TERT: variants seen among roughly 807,000 people sequenced by gnomAD.
TERT encodes telomerase catalytic subunit.
TERT carries 42 observed loss-of-function variants against 104.0 expected under a neutral mutation model. The observed-to-expected ratio is 0.40, with a 90% CI of 0.32 to 0.52. The LOEUF (loss-of-function observed/expected upper bound fraction) is 0.52. Among genes scored for constraint, TERT ranks in the 20% least tolerant of loss-of-function variants. TERT has a pLI of 0.43. For synonymous variants in TERT, 781 were observed against 725.6 expected, an observed-to-expected ratio of 1.08 and a Z score of -1.23; for missense variants, 1,101 against 1,610.3, an observed-to-expected ratio of 0.68 and a Z score of 5.41.
At chr5:1,254,554 TCC>T in intron 14 of TERT, 49 bp from the exon 15 acceptor site, 1 of 1,572,334 alleles carries the variant, frequency 6.4e-7, no homozygotes, top group Non-Finnish European at 8.6e-7. Context: ...CCAGCTCCCC[TCC>T]CAGGAGACAC....
chr5:1,282,381 G>T, intron 3 of TERT, 48 bp downstream of exon 3: 1 of 1,591,234 alleles, frequency 6.3e-7, no homozygotes. Flanking sequence ...GGCCGGGCTG[G>T]TGTTCCAGGA....
At position 1,274,677 on chromosome 5, in the gene TERT, C is replaced by T. The variant is rs73731711; in HGVS notation, c.2287-2397G>A. Among the ~76,000 whole-genome samples the T allele has an allele frequency of 5.0e-3, 767 of 152,324 alleles. 5 individuals carry two copies. The highest frequency in any genetic ancestry group is 0.018 in the African/African-American group (736 of 41,568). Reference sequence around the variant, plus strand: ...CGGGGCTCAGGCGGGAACGCTGGCTCCCCACACCCCACCTAGCCTCCCGCT... The same window carrying T: ...CGGGGCTCAGGCGGGAACGCTGGCTTCCCACACCCCACCTAGCCTCCCGCT... On this transcript the variant is annotated intron_variant, in intron 6 of 15. Coordinates refer to ENST00000310581, the MANE Select transcript of TERT (RefSeq NM_198253.3). This position sits in a 1 kb window ranked among gnomAD's most constrained non-coding sequence, Gnocchi z 5.3.
rs1330994352 is a variant in TERT, at chr5:1,282,819, A to G, written c.1574-195T>C. ...CTCACCCTGGACCTGCACCATTCGG[A>G]CACGGGGACACCGCATATCCAGCTC... On this transcript the variant is annotated intron_variant, in intron 2 of 15. Coordinates refer to ENST00000310581, the MANE Select transcript of TERT (RefSeq NM_198253.3). 1.9e-5 allele frequency: 12 copies of G among 627,290 alleles called. No individual in the cohort carries two copies. The East Asian group carries it at 2.9e-4, about 15-fold the overall frequency. The allele number at this position is 627,290 out of a possible 1,614,324, so 38.9% of individuals were successfully genotyped here.
intron 14 of TERT, 54 bp from the exon 15 acceptor site, chr5:1,254,559 GGA>G: frequency 6.4e-7 from 1 of 1,563,340 alleles, no homozygotes; most frequent in Non-Finnish European, 8.7e-7. Flanking sequence ...TCCCCTCCCA[GGA>G]GACACCGGAA....
intron 4 of TERT, 101 bp downstream of exon 4, chr5:1,280,057 T>C: frequency 1.4e-6 from 2 of 1,460,250 alleles, no homozygotes. Context: ...CCTGGCTGTG[T>C]CCCGTGGCCC....
At chr5:1,289,505 GCGCCT>G in intron 2 of TERT, among the ~76,000 whole-genome samples, 11 of 33,556 alleles carry the variant, frequency 3.3e-4, no homozygotes, top group African/African-American at 1.3e-3. Context: ...CCCGGGGACG[GCGCCT>G]CACTCACCCT....
At chr5:1,271,971 C>T (rs1363757437) in intron 7 of TERT, among the ~76,000 whole-genome samples, 6 of 152,386 alleles carry the variant, frequency 3.9e-5, no homozygotes, top group Middle Eastern at 3.4e-3. Flanking sequence ...CGCAGTCAAA[C>T]GTGAGCAGGT....
rs1748355698 is a variant in TERT at position 1,263,212 on chromosome 5, G to A, written c.2843+1192C>T. Among the ~76,000 whole-genome samples the A allele has an allele frequency of 6.6e-6, 1 of 152,204 alleles. No individual in the cohort carries two copies. Among genetic ancestry groups the A allele is most frequent in the African/African-American group, 2.4e-5 (1 of 41,448 alleles). On this transcript the variant is annotated intron_variant, in intron 11 of 15. Transcript: ENST00000310581. This position sits in a 1 kb window ranked among gnomAD's most constrained non-coding sequence, Gnocchi z 5.3. ...AAGAGGCAAAGTCCAGATCTGGACT[G>A]TTAACTCAGAACGACAGGACCCCAG...
chr5:1,275,733 C>A (rs1749516771), intron 6 of TERT, among the ~76,000 whole-genome samples: 1 of 131,642 alleles, frequency 7.6e-6, no homozygotes, highest in African/African-American at 2.9e-5. Flanking sequence ...TCCCACAGAT[C>A]CCCACCTATC....
chr5:1,268,712 A>T lies in TERT; in HGVS notation c.2469-79T>A. ...TACACTCAAACCGAGCCACACACAG[A>T]CACAGAACCTCATACACACAAACGA... On this transcript the variant is annotated intron_variant, in intron 8 of 15. Transcript: ENST00000310581. The surrounding 1 kb of genome is among the most constrained non-coding windows in gnomAD (Gnocchi z 5.5). 1.1e-6 allele frequency: 1 copy of T among 938,568 alleles called. No homozygotes were observed. The highest frequency in any genetic ancestry group is 1.7e-6 in the Non-Finnish European group (1 of 579,528). The allele number at this position is 938,568 out of a possible 1,614,324, so 58.1% of individuals were successfully genotyped here.
Position 1,282,539 on chromosome 5 carries a change from G to A in TERT, c.1659C>T (p.Val553=), listed in dbSNP as rs35809415. ...AAAAGAAAGACCTGAGCAGCTCGAC[G>A]ACGTACACACTCATCAGCCAGTGCA... ...KFLHWLMSVY[V]VELLRSFFYV... The change falls in exon 3 of 16, where the codon GTC becomes GTT. Residue 553 remains valine, a synonymous_variant. Coordinates refer to ENST00000310581, the MANE Select transcript of TERT (RefSeq NM_198253.3). 1.4e-3 allele frequency: 2,305 copies of A among 1,614,120 alleles called. 31 individuals carry two copies. In the African/African-American group the frequency reaches 0.028, roughly 19 times the overall value.
chr5:1,274,850 G>C lies in TERT; in HGVS notation c.2287-2570C>G, dbSNP rs948554481. ...CCATAATCGAAACTTTTCCTTCAAG[G>C]AGCCGGAAAAACAACAATAAACAAA... On this transcript the variant is annotated intron_variant, in intron 6 of 15. Transcript: ENST00000310581. The surrounding 1 kb of genome is among the most constrained non-coding windows in gnomAD (Gnocchi z 5.3). 3.3e-5 allele frequency among the ~76,000 whole-genome samples: 5 copies of C among 152,314 alleles called. No homozygotes were observed. The South Asian group carries it at 8.3e-4, about 25-fold the overall frequency.
Position 1,279,324 on chromosome 5 carries a change from G to A in TERT, c.2097C>T (p.Ala699=), listed in dbSNP as rs33963617. ...AGTACAGCTCAGGCGGCGGGTCCTGGGCCCGCACACGCAGCACGAAGGTGC... is the reference window on the plus strand; with the variant it reads ...AGTACAGCTCAGGCGGCGGGTCCTGAGCCCGCACACGCAGCACGAAGGTGC... The part of the protein sequence containing the change: ...AWRTFVLRVR[A]QDPPPELYFV... The change falls in exon 5 of 16, where the codon GCC becomes GCT. Residue 699 remains alanine (A), a synonymous_variant. Coordinates refer to ENST00000310581, the MANE Select transcript of TERT (RefSeq NM_198253.3). The A allele has an allele frequency of 9.0e-3, 14,255 of 1,585,702 alleles. 169 individuals carry two copies. The highest frequency in any genetic ancestry group is 0.051 in the East Asian group (2,216 of 43,398).
In TERT at chr5:1,274,489, A is replaced by G. The variant is rs992761777; in HGVS notation, c.2287-2209T>C. ...GTGGAAGACGATTTTTCCACAGGACAGCAGTGGGGAAGGGGATGGTTTTGG... is the reference window on the plus strand; with the variant it reads ...GTGGAAGACGATTTTTCCACAGGACGGCAGTGGGGAAGGGGATGGTTTTGG... On this transcript the variant is annotated intron_variant, in intron 6 of 15. Transcript: ENST00000310581. The surrounding 1 kb of genome is among the most constrained non-coding windows in gnomAD (Gnocchi z 5.3). Among the ~76,000 whole-genome samples the G allele has an allele frequency of 6.6e-6, 1 of 152,254 alleles. No homozygotes were observed. Among genetic ancestry groups the G allele is most frequent in the African/African-American group, 2.4e-5 (1 of 41,466 alleles).
rs911542471 is a variant in TERT at position 1,295,068 on chromosome 5, G to A, written c.-79C>T. On this transcript the variant is annotated 5_prime_UTR_variant, in exon 1 of 16. Coordinates refer to ENST00000310581, the MANE Select transcript of TERT (RefSeq NM_198253.3). The stretch of plus-strand genomic sequence containing the variant: ...GCCTGAAACTCGCGCCGCGAGGAGA[G>A]GGCGGGGCCGCGGAAAGGAAGGGGA... 20 of 1,084,028 alleles carry A rather than the reference G, an allele frequency of 1.8e-5. No homozygotes were observed. The highest frequency in any genetic ancestry group is 2.2e-5 in the Non-Finnish European group (19 of 844,528). 67.2% of individuals were successfully genotyped at this position (1,084,028 alleles called of 1,614,324 possible).
Position 1,293,700 on chromosome 5 carries a change from G to T in TERT, c.1186C>A (p.Leu396Met). 1 of 1,575,066 alleles carries T rather than the reference G, an allele frequency of 6.3e-7. No individual in the cohort carries two copies. ...YWQMRPLFLELLGNHAQCPYG... is the reference protein window; with the variant it reads ...YWQMRPLFLEMLGNHAQCPYG... ...GGGCACTGCGCGTGGTTCCCAAGCA[G>T]CTCCAGAAACAGGGGCCGCATTTGC... The change falls in exon 2 of 16, where the codon CTG becomes ATG. Residue 396 changes from leucine (L) to methionine (M), a missense_variant. Transcript: ENST00000310581.
At chr5:1,254,646 A>G in intron 14 of TERT, 141 bp from the exon 15 acceptor site, 1 of 926,740 alleles carries the variant, frequency 1.1e-6, no homozygotes, top group Non-Finnish European at 1.6e-6. Flanking sequence ...AGGAGTCACG[A>G]CAGAAATGTT....
chr5:1,290,555 G>A (rs1181074559), intron 2 of TERT, among the ~76,000 whole-genome samples: 1 of 65,532 alleles, frequency 1.5e-5, no homozygotes, highest in Non-Finnish European at 2.8e-5. Context: ...CCCGGGGACG[G>A]TGCCTCACTC....
At chr5:1,279,974 G>A (rs185666770) in intron 4 of TERT, among the ~76,000 whole-genome samples, 184 bp downstream of exon 4, 11 of 152,256 alleles carry the variant, frequency 7.2e-5, no homozygotes, top group South Asian at 2.1e-4. Context: ...ACACCCCCAC[G>A]CTGCTTTTCT....
Sources: allele counts gnomAD v4.1 joint callset (sites outside exome capture counted in the v4.1 genomes callset), GRCh38; gene constraint gnomAD v4.1.1; non-coding constraint Gnocchi (gnomAD v3.1); transcripts MANE v1.5; gene names NCBI Gene and HGNC (gene_info 2026-07-23, HGNC 2026-07-21).